RERE: variants seen among roughly 807,000 people sequenced by gnomAD.
RERE encodes arginine-glutamic acid dipeptide repeats.
Under a neutral mutation model 146.1 loss-of-function variants are expected in RERE, and 40 were observed. The ratio of observed to expected loss-of-function variants is 0.27; its 90% CI spans 0.21 to 0.36. The LOEUF (loss-of-function observed/expected upper bound fraction) is 0.36, where lower values mean the gene tolerates loss of function less well. Ranked by LOEUF, RERE falls within the 10% of genes least tolerant of loss-of-function variation. The pLI is 1.00. For missense variants in RERE, 1,933 were observed against 2,138.7 expected, an observed-to-expected ratio of 0.90 and a Z score of 1.90; for synonymous variants, 1,003 against 866.0, an observed-to-expected ratio of 1.16 and a Z score of -2.78.
Position 8,365,391 on chromosome 1 carries a change from G to C in RERE, c.1447+421C>G, listed in dbSNP as rs111892224. 2.1e-3 allele frequency among the ~76,000 whole-genome samples: 322 copies of C among 152,252 alleles called. 4 individuals are homozygous for C. The highest frequency in any genetic ancestry group is 7.1e-3 in the African/African-American group (297 of 41,544). The stretch of plus-strand genomic sequence containing the variant: ...ATACTGGGACCAAAAAGAGGATCTT[G>C]GTGAAGCAGGAGGAAAAAGAAGAAA... On this transcript the variant is annotated intron_variant, in intron 13 of 22. Transcript: ENST00000400908.
intron 11 of RERE, among the ~76,000 whole-genome samples, chr1:8,433,786 T>C (rs2124484828): frequency 6.6e-6 from 1 of 151,524 alleles, no homozygotes; most frequent in Middle Eastern, 3.4e-3. Flanking sequence ...GGTCTCGATC[T>C]CCTGACCTCA....
intron 4 of RERE, among the ~76,000 whole-genome samples, chr1:8,588,551 G>A (rs953485565): frequency 6.6e-6 from 1 of 152,110 alleles, no homozygotes; most frequent in African/African-American, 2.4e-5. Flanking sequence ...GCCAAATCTT[G>A]AGCAGACAAA....
chr1:8,569,892 A>T (rs572466411), intron 4 of RERE, among the ~76,000 whole-genome samples: 4 of 151,436 alleles, frequency 2.6e-5, no homozygotes, highest in South Asian at 4.2e-4. Flanking sequence ...ACCCTGTCTT[A>T]AAAAAAAAGA....
intron 3 of RERE, among the ~76,000 whole-genome samples, chr1:8,616,656 T>C (rs182784679): frequency 1.3e-5 from 2 of 152,188 alleles, no homozygotes; most frequent in East Asian, 3.8e-4. Flanking sequence ...TATGGAAATA[T>C]ATATAATTAA....
chr1:8,504,714 G>A (rs1210429184), intron 8 of RERE, among the ~76,000 whole-genome samples: 1 of 152,094 alleles, frequency 6.6e-6, no homozygotes, highest in Non-Finnish European at 1.5e-5. Flanking sequence ...GTAGCCAGGT[G>A]TGGTGGCGGG....
chr1:8,549,375 TA>T (rs1055322341), intron 6 of RERE, among the ~76,000 whole-genome samples: 1 of 151,992 alleles, frequency 6.6e-6, no homozygotes, highest in African/African-American at 2.4e-5. Context: ...AGCTGGGCAA[TA>T]AAACAAAAAA....
chr1:8,782,049 A>G (rs1006311522), intron 1 of RERE, among the ~76,000 whole-genome samples: 15 of 152,220 alleles, frequency 9.9e-5, no homozygotes, highest in Admixed American at 2.6e-4. Flanking sequence ...TCTCCTTTAC[A>G]GCAAATATCC....
chr1:8,548,907 C>T (rs886641495), intron 6 of RERE, among the ~76,000 whole-genome samples: 43 of 152,208 alleles, frequency 2.8e-4, no homozygotes, highest in African/African-American at 1.0e-3. Context: ...TTGCATGAAC[C>T]CAGGAGGCAG....
At chr1:8,427,262 A>T (rs1391159334) in intron 11 of RERE, among the ~76,000 whole-genome samples, 2 of 152,208 alleles carry the variant, frequency 1.3e-5, no homozygotes, top group African/African-American at 4.8e-5. Flanking sequence ...AACAGAGCTG[A>T]CCTCTTGCTC....
rs521047 is a variant in RERE, at chr1:8,358,592, G to A, written c.3943C>T (p.Arg1315Ter). 4 of 1,600,344 alleles carry A rather than the reference G, an allele frequency of 2.5e-6. No homozygotes were observed. Among genetic ancestry groups the A allele is most frequent in the East Asian group, 2.2e-5 (1 of 44,754 alleles). ...REREIREREI[R>*]ERELRERMKP... is the part of the protein sequence containing the mutation. ...ATCCTCTCCCGCAGCTCCCGCTCTC[G>A]GATCTCCCGCTCTCGGATCTCCCGC... The change falls in exon 20 of 23, where the codon CGA (arginine) becomes TGA (stop). Residue 1315 changes from arginine (R) to a stop codon, truncating the protein, a stop_gained. Transcript: ENST00000400908. LOFTEE classifies it high-confidence loss of function.
At chr1:8,375,953 T>G (rs368007532) in intron 12 of RERE, among the ~76,000 whole-genome samples, 132 of 152,364 alleles carry the variant, frequency 8.7e-4, no homozygotes, top group African/African-American at 3.0e-3. Context: ...TATCTTCATC[T>G]TTATTTATAT....
chr1:8,358,377 C>T lies in RERE; in HGVS notation c.4158G>A (p.Leu1386=), dbSNP rs1364328784. 6.2e-7 allele frequency: 1 copy of T among 1,609,050 alleles called. No individual in the cohort carries two copies. The highest frequency in any genetic ancestry group is 8.5e-7 in the Non-Finnish European group (1 of 1,176,802). ...TGTCAGGGTAGCTCATCTCGGGCCG[C>T]AGCTGGGGGCCCGCCAGGGCCAGTC... ...RERLALAGPQ[L]RPEMSYPDRL... Residue 1386 remains leucine (L), a synonymous_variant, in exon 20 of 23, where the codon CTG becomes CTA. Transcript: ENST00000400908.
intron 6 of RERE, among the ~76,000 whole-genome samples, 184 bp from the exon 7 acceptor site, chr1:8,541,502 T>A (rs746385542): frequency 8.5e-5 from 13 of 152,340 alleles, no homozygotes; most frequent in South Asian, 4.1e-4. Flanking sequence ...ACCTGTGTAA[T>A]CTGACTGCTT....
In RERE at chr1:8,358,897, T is replaced by A. The variant is rs747585006; in HGVS notation, c.3638A>T (p.His1213Leu). The change falls in exon 20 of 23, where the codon CAT (histidine) becomes CTT (leucine). Residue 1213 changes from histidine to leucine, a missense_variant. This residue lies in a region of RERE where 1,255 missense variants were observed against 1,153.8 expected (regional missense o/e 1.09). Transcript: ENST00000400908. ...CTGTGGGTCACTGAGGCGACCTTCA[T>A]GCGCTGAGCTGGACGCCTTCTGCAG... ...ERAAKASSSA[H>L]EGRLSDPQLS... is the part of the protein sequence containing the mutation. 2 of 1,543,942 alleles carry A rather than the reference T, an allele frequency of 1.3e-6. No homozygotes were observed. The highest frequency in any genetic ancestry group is 2.7e-5 in the African/African-American group (2 of 72,862).
intron 12 of RERE, among the ~76,000 whole-genome samples, chr1:8,388,499 T>C (rs1239370749): frequency 1.3e-5 from 2 of 152,112 alleles, no homozygotes; most frequent in Non-Finnish European, 2.9e-5. Flanking sequence ...TTTTGTATTT[T>C]TAGTAGAGAC....
At position 8,355,332 on chromosome 1, in the gene RERE, G is replaced by C. The variant is rs1641246217; in HGVS notation, c.4667+87C>G. On this transcript the variant is annotated intron_variant, in intron 22 of 22. Transcript: ENST00000400908. ...CCCCTCCAGGGCCCAGCAGGCAGAG[G>C]GGGAGGAGCCTGGCCCTGGGCACAC... The C allele has an allele frequency of 1.0e-5, 15 of 1,430,368 alleles. No homozygotes were observed. The South Asian group carries it at 1.6e-4, about 15-fold the overall frequency. 88.6% of individuals were successfully genotyped at this position (1,430,368 alleles called of 1,614,324 possible). A position where few individuals can be genotyped will look rare whatever the true frequency, so the allele number is the denominator to read the frequency against.
Position 8,362,669 on chromosome 1 carries a change from C to T in RERE, c.1902+14G>A. On this transcript the variant is annotated intron_variant, in intron 16 of 22. Transcript: ENST00000400908. ...AGGGACAGAGTAGGCCCTACTATCCCCCCAGCACCTGACCTTGGCCGACTT... is the reference window on the plus strand; with the variant it reads ...AGGGACAGAGTAGGCCCTACTATCCTCCCAGCACCTGACCTTGGCCGACTT... The T allele has an allele frequency of 5.0e-6, 8 of 1,614,198 alleles. No individual in the cohort carries two copies. The highest frequency in any genetic ancestry group is 6.8e-6 in the Non-Finnish European group (8 of 1,180,026).
At chr1:8,793,203 A>G (rs982109255) in intron 1 of RERE, among the ~76,000 whole-genome samples, 3 of 149,086 alleles carry the variant, frequency 2.0e-5, no homozygotes, top group African/African-American at 7.4e-5. Flanking sequence ...AGAAGGCTCT[A>G]TTTTGATACT....
At chr1:8,643,856 G>A (rs1439986340) in intron 2 of RERE, among the ~76,000 whole-genome samples, 1 of 152,192 alleles carries the variant, frequency 6.6e-6, no homozygotes, top group Non-Finnish European at 1.5e-5. Flanking sequence ...AACAGCCAGA[G>A]TGAAAGTTTA....
Sources: allele counts gnomAD v4.1 joint callset (sites outside exome capture counted in the v4.1 genomes callset), GRCh38; gene constraint gnomAD v4.1.1; regional missense constraint gnomAD v4.1.1; transcripts MANE v1.5; gene names NCBI Gene and HGNC (gene_info 2026-07-23, HGNC 2026-07-21).